Variants in LTBP1 observed in about 807,000 individuals in gnomAD.
LTBP1 encodes latent-transforming growth factor beta-binding protein 1.
LTBP1 carries 129 observed loss-of-function variants against 207.6 expected under a neutral mutation model. The ratio of observed to expected loss-of-function variants is 0.62; its 90% CI spans 0.54 to 0.72. The LOEUF (loss-of-function observed/expected upper bound fraction) is 0.72, where lower values mean the gene tolerates loss of function less well. Ranked by LOEUF, LTBP1 falls within the 30% of genes least tolerant of loss-of-function variation. LTBP1 has a pLI of 0.00. For missense variants in LTBP1, 2,281 were observed against 2,217.2 expected (o/e 1.03, Z -0.58); for synonymous variants, 963 against 833.7 (o/e 1.16, Z -2.67).
intron 31 of LTBP1, among the ~76,000 whole-genome samples, chr2:33,370,417 G>C (rs890900837): frequency 6.6e-6 from 1 of 152,100 alleles, no homozygotes; most frequent in East Asian, 1.9e-4. Context: ...ACAGATTCTG[G>C]TTTCTCACTT....
intron 2 of LTBP1, among the ~76,000 whole-genome samples, chr2:32,975,486 G>T (rs557669012): frequency 7.0e-6 from 1 of 143,542 alleles, no homozygotes; most frequent in African/African-American, 2.6e-5. Flanking sequence ...TTTTCAAGGT[G>T]TTTACTTTCT....
Position 33,182,727 on chromosome 2 carries a change from CACACACACAGACATAT to C in LTBP1, c.1202-4127_1202-4112del, listed in dbSNP as rs1300029224. ...ACACACACACACACACACACACACA[CACACACACAGACATAT>C]ATATGTATGTATGTGTACACATACA... On this transcript the variant is annotated intron_variant, in intron 5 of 33. Coordinates refer to ENST00000404816, the MANE Select transcript of LTBP1 (RefSeq NM_206943.4). Among the ~76,000 whole-genome samples, 29 of 97,150 alleles carry C rather than the reference CACACACACAGACATAT, an allele frequency of 3.0e-4. 4 individuals carry two copies. The highest frequency in any genetic ancestry group is 1.2e-3 in the African/African-American group (28 of 22,660). The allele number at this position is 97,150 out of a possible 152,430, so 63.7% of individuals were successfully genotyped here.
At chr2:33,392,877 CTT>C (rs879653997) in intron 32 of LTBP1, among the ~76,000 whole-genome samples, 38 of 142,100 alleles carry the variant, frequency 2.7e-4, no homozygotes, top group African/African-American at 6.6e-4. Flanking sequence ...TGTGGTGTCA[CTT>C]TTTTTTTTTT....
At chr2:33,303,928 T>G (rs2094041155) in intron 22 of LTBP1, among the ~76,000 whole-genome samples, 2 of 152,208 alleles carry the variant, frequency 1.3e-5, no homozygotes, top group South Asian at 4.1e-4. Context: ...TCTGTCCTGA[T>G]TCCTGGCCAA....
chr2:33,275,729 A>G, intron 17 of LTBP1, 72 bp from the exon 18 acceptor site: 2 of 1,575,538 alleles, frequency 1.3e-6, no homozygotes, highest in Non-Finnish European at 8.7e-7. Context: ...ATTTGAGCTA[A>G]GCTGGGAGAT....
At chr2:33,148,947 G>A (rs2083275125) in intron 5 of LTBP1, among the ~76,000 whole-genome samples, 2 of 152,304 alleles carry the variant, frequency 1.3e-5, no homozygotes, top group Admixed American at 1.3e-4. Flanking sequence ...GGGCGCGGTG[G>A]CTCATGCCTG....
intron 28 of LTBP1, among the ~76,000 whole-genome samples, 166 bp downstream of exon 28, chr2:33,361,681 C>G (rs2094928926): frequency 6.6e-6 from 1 of 152,152 alleles, no homozygotes. Flanking sequence ...GACTTGCAGT[C>G]AGAACACAAA....
chr2:33,038,033 A>C (rs1573234027), intron 3 of LTBP1, among the ~76,000 whole-genome samples: 1 of 152,314 alleles, frequency 6.6e-6, no homozygotes, highest in South Asian at 2.1e-4. Flanking sequence ...ATCCTGTTTT[A>C]AGGAGGATTC....
intron 5 of LTBP1, among the ~76,000 whole-genome samples, chr2:33,175,941 T>A (rs1241745578): frequency 1.1e-5 from 1 of 94,508 alleles, no homozygotes; most frequent in African/African-American, 4.2e-5. Context: ...CACTCATAGG[T>A]GGGAATTGAA....
intron 26 of LTBP1, among the ~76,000 whole-genome samples, chr2:33,354,202 G>A (rs148089383): frequency 1.3e-5 from 2 of 152,174 alleles, no homozygotes; most frequent in East Asian, 3.9e-4. Flanking sequence ...AGCCACATGT[G>A]ACAATCAGTC....
chr2:33,234,567 A>G (rs892910094), intron 9 of LTBP1, among the ~76,000 whole-genome samples: 17 of 152,180 alleles, frequency 1.1e-4, no homozygotes, highest in African/African-American at 3.9e-4. Flanking sequence ...TCAAAGAAAT[A>G]AGAGAGGACA....
chr2:33,309,542 A>C lies in LTBP1; in HGVS notation c.3590A>C (p.Asn1197Thr). 6.2e-7 allele frequency: 1 copy of C among 1,606,664 alleles called. No homozygotes were observed. The highest frequency in any genetic ancestry group is 8.5e-7 in the Non-Finnish European group (1 of 1,177,734). ...CCGGATGGATTTCAGCTAGATGACA[A>C]TAAAACATGTCAAGGTATTTCTTGC... Reference protein sequence around the residue: ...TCPDGFQLDDNKTCQDINECE... With the variant: ...TCPDGFQLDDTKTCQDINECE... The change falls in exon 23 of 34, where the codon AAT (asparagine) becomes ACT (threonine). Residue 1197 changes from asparagine (N) to threonine (T), a missense_variant. Physicochemically the swap from Asn to Thr is moderately conservative, Grantham distance 65 (BLOSUM62 0). Transcript: ENST00000404816.
chr2:33,091,105 T>C (rs1396439544), intron 3 of LTBP1, among the ~76,000 whole-genome samples: 15 of 152,196 alleles, frequency 9.9e-5, no homozygotes, highest in Non-Finnish European at 1.8e-4. Context: ...CCTGTCCATG[T>C]CCAGAAAGCT....
chr2:32,990,765 TC>T (rs1247630181), intron 2 of LTBP1, among the ~76,000 whole-genome samples: 1 of 152,170 alleles, frequency 6.6e-6, no homozygotes, highest in African/African-American at 2.4e-5. Flanking sequence ...ATGACTCAGT[TC>T]GGTATTATGA....
intron 5 of LTBP1, among the ~76,000 whole-genome samples, chr2:33,161,697 T>G (rs1425121382): frequency 6.6e-6 from 1 of 152,248 alleles, no homozygotes; most frequent in Non-Finnish European, 1.5e-5. Flanking sequence ...TCCTAAATTG[T>G]TAGCTGCAAA....
At chr2:33,309,671 C>G in intron 23 of LTBP1, 115 bp downstream of exon 23, 1 of 1,243,960 alleles carries the variant, frequency 8.0e-7, no homozygotes, top group Non-Finnish European at 1.1e-6. Context: ...TAATTTATGT[C>G]AATTTTTGAT....
intron 31 of LTBP1, 106 bp downstream of exon 31, chr2:33,365,609 A>G: frequency 9.3e-7 from 1 of 1,081,058 alleles, no homozygotes. Context: ...TTCACTCCTG[A>G]TATCTTACTT....
intron 4 of LTBP1, among the ~76,000 whole-genome samples, chr2:33,116,524 G>A (rs1291012693): frequency 1.3e-5 from 2 of 152,050 alleles, no homozygotes; most frequent in Non-Finnish European, 2.9e-5. Context: ...AAGAGAGAGA[G>A]AAATGACTGG....
In LTBP1 at chr2:33,113,480, TAGAG is replaced by T. The variant is rs796915496; in HGVS notation, c.1033+2733_1033+2736del. ...CACTCTCCAGATAAAACATTGTAGA[TAGAG>T]AGAAACTAACCAAGTTGCTAGTGAG... On this transcript the variant is annotated intron_variant, in intron 4 of 33. Coordinates refer to ENST00000404816, the MANE Select transcript of LTBP1 (RefSeq NM_206943.4). 7.9e-5 allele frequency among the ~76,000 whole-genome samples: 12 copies of T among 152,328 alleles called. 1 individual carries two copies. The highest frequency in any genetic ancestry group is 2.6e-4 in the African/African-American group (11 of 41,582).
Sources: gnomAD v4.1 joint callset for allele counts (sites outside exome capture counted in the v4.1 genomes callset) on GRCh38, gnomAD v4.1.1 for gene constraint, MANE v1.5 for transcripts, NCBI Gene and HGNC (gene_info 2026-07-23, HGNC 2026-07-21) for gene names.